The following SNRPB2 variants were observed in gnomAD, a reference collection of about 807,000 sequenced individuals.
SNRPB2 encodes the protein small nuclear ribonucleoprotein polypeptide B2.
SNRPB2 carries 16 observed loss-of-function variants against 26.3 expected under a neutral mutation model. That is an observed-to-expected ratio of 0.61 (90% CI 0.41 to 0.92). The LOEUF is 0.92. Among genes scored for constraint, SNRPB2 ranks in the 40% least tolerant of loss-of-function variants. The pLI is 0.00. For synonymous variants in SNRPB2, 75 were observed against 89.0 expected, an observed-to-expected ratio of 0.84 and a Z score of 0.88; for missense variants, 179 against 268.1, an observed-to-expected ratio of 0.67 and a Z score of 2.32.
chr20:16,733,418 G>A (rs1041546195), intron 3 of SNRPB2, among the ~76,000 whole-genome samples: 2 of 152,208 alleles, frequency 1.3e-5, no homozygotes, highest in Admixed American at 6.5e-5. Context: ...GGTACAGACC[G>A]CTGATCTAAC....
intron 3 of SNRPB2, among the ~76,000 whole-genome samples, chr20:16,732,796 G>C (rs960685773): frequency 6.6e-6 from 1 of 152,166 alleles, no homozygotes; most frequent in Non-Finnish European, 1.5e-5. Flanking sequence ...TAAACTCATA[G>C]GTTTTAGGAA....
intron 4 of SNRPB2, 53 bp downstream of exon 4, chr20:16,737,454 A>G: frequency 6.7e-7 from 1 of 1,482,584 alleles, no homozygotes; most frequent in African/African-American, 1.4e-5. Flanking sequence ...AACTTGATAG[A>G]TGCTTGTCTT....
intron 3 of SNRPB2, among the ~76,000 whole-genome samples, chr20:16,734,109 GT>G (rs2122500174): frequency 6.6e-6 from 1 of 152,278 alleles, no homozygotes; most frequent in South Asian, 2.1e-4. Flanking sequence ...GCATGTGTCT[GT>G]TACTCAGATA....
At chr20:16,732,944 C>G (rs535412798) in intron 3 of SNRPB2, among the ~76,000 whole-genome samples, 2 of 152,098 alleles carry the variant, frequency 1.3e-5, no homozygotes, top group Admixed American at 1.3e-4. Flanking sequence ...TTAGGAGGCC[C>G]TTGATGTAAG....
At chr20:16,734,992 G>A (rs1408806260) in intron 3 of SNRPB2, among the ~76,000 whole-genome samples, 1 of 152,170 alleles carries the variant, frequency 6.6e-6, no homozygotes, top group Admixed American at 6.5e-5. Flanking sequence ...GTTAGATGAT[G>A]ATGGCAAGAC....
At chr20:16,740,578 A>G (rs1367003119) in intron 6 of SNRPB2, among the ~76,000 whole-genome samples, 165 bp downstream of exon 6, 1 of 152,228 alleles carries the variant, frequency 6.6e-6, no homozygotes, top group Non-Finnish European at 1.5e-5. Context: ...TTTAGCAAAT[A>G]CAAAGCTAAA....
At position 16,730,408 on chromosome 20, in the gene SNRPB2, C is replaced by T. The variant is rs112315990; in HGVS notation, c.-36+244C>T. 9.3e-3 allele frequency: 1,417 copies of T among 152,400 alleles called. 30 individuals carry two copies. The highest frequency in any genetic ancestry group is 0.032 in the African/African-American group (1,323 of 41,556). 9.4% of individuals were successfully genotyped at this position (152,400 alleles called of 1,614,324 possible). ...CTTTCAGGTGTCTTCCAGCGGCTCCCTTTTGGTGGTGGCGGGTAATTCAGG... is the reference window on the plus strand; with the variant it reads ...CTTTCAGGTGTCTTCCAGCGGCTCCTTTTTGGTGGTGGCGGGTAATTCAGG... On this transcript the variant is annotated intron_variant, in intron 1 of 6. Transcript: ENST00000246071.
chr20:16,735,637 G>A (rs2072421481), intron 3 of SNRPB2, among the ~76,000 whole-genome samples: 1 of 152,092 alleles, frequency 6.6e-6, no homozygotes, highest in Non-Finnish European at 1.5e-5. Flanking sequence ...TACTTTCCAG[G>A]CATTTGGAAT....
At position 16,731,750 on chromosome 20, in the gene SNRPB2, C is replaced by G. The variant is rs2072392861; in HGVS notation, c.48C>G (p.Asp16Glu). ...CAATTTATATCAACAATATGAATGA[C>G]AAAATTAAAAAGGAAGGTAAGTGCT... ...NHTIYINNMN[D>E]KIKKEELKRS... Residue 16 changes from aspartate to glutamate, a missense_variant, in exon 2 of 7, where the codon GAC (aspartate) becomes GAG (glutamate). This residue lies in a region of SNRPB2 where 145 missense variants were observed against 180.7 expected (regional missense o/e 0.80). Transcript: ENST00000246071. 6.2e-7 allele frequency: 1 copy of G among 1,612,106 alleles called. No individual in the cohort carries two copies. Among genetic ancestry groups the G allele is most frequent in the Non-Finnish European group, 8.5e-7 (1 of 1,178,826 alleles).
Position 16,741,790 on chromosome 20 carries a change from TTG to T in SNRPB2, c.*787_*788del, listed in dbSNP as rs2072464548. 6.6e-6 allele frequency: 1 copy of T among 152,230 alleles called. No homozygotes were observed. The highest frequency in any genetic ancestry group is 1.5e-5 in the Non-Finnish European group (1 of 68,040). The allele number at this position is 152,230 out of a possible 1,614,324, so 9.4% of individuals were successfully genotyped here. On this transcript the variant is annotated 3_prime_UTR_variant, in exon 7 of 7. Transcript: ENST00000246071. ...TGCCAGTGCTAAGCTTGCTACTTCT[TTG>T]TAATTCTTAAACACCAATGTTCAAA...
chr20:16,735,525 C>T (rs1286680685), intron 3 of SNRPB2, among the ~76,000 whole-genome samples: 1 of 152,208 alleles, frequency 6.6e-6, no homozygotes, highest in African/African-American at 2.4e-5. Flanking sequence ...CAGGGCTACT[C>T]AAAATGTGGT....
rs748699658 is a variant in SNRPB2, at chr20:16,740,423, T to C, written c.518+10T>C. 1.2e-6 allele frequency: 2 copies of C among 1,610,306 alleles called. No individual in the cohort carries two copies. The highest frequency in any genetic ancestry group is 2.2e-5 in the South Asian group (2 of 90,848). ...CCATGCTGTTTAATCAGTAAGTTTT[T>C]TCATAAATAAGTCTGTTTCTGAGAG... is the stretch of plus-strand genomic sequence containing the variant. On this transcript the variant is annotated intron_variant, in intron 6 of 6. Coordinates refer to ENST00000246071, the MANE Select transcript of SNRPB2 (RefSeq NM_003092.5).
intron 5 of SNRPB2, among the ~76,000 whole-genome samples, chr20:16,739,981 T>C (rs1417722583): frequency 1.3e-5 from 2 of 151,242 alleles, no homozygotes; most frequent in Non-Finnish European, 2.9e-5. Context: ...ATACTGAGTG[T>C]GGTAACCAGC....
At chr20:16,732,081 G>A (rs1427851884) in intron 2 of SNRPB2, 83 bp from the exon 3 acceptor site, 3 of 789,440 alleles carry the variant, frequency 3.8e-6, no homozygotes, top group South Asian at 1.7e-5. Flanking sequence ...TGGTGGGGGG[G>A]GCAACTCAAT....
At position 16,740,940 on chromosome 20, in the gene SNRPB2, G is replaced by C; in HGVS notation, c.613G>C (p.Asp205His). Residue 205 changes from aspartate to histidine, a missense_variant, in exon 7 of 7, where the codon GAT (aspartate) becomes CAT (histidine). Transcript: ENST00000246071. ...TGATGGGCAGGCTGGAGCTGCCAGG[G>C]ATGCTTTACAGGGATTTAAGATCAC... is the stretch of plus-strand genomic sequence containing the variant. ...ENDGQAGAAR[D>H]ALQGFKITPS... 1.2e-6 allele frequency: 2 copies of C among 1,612,154 alleles called. No individual in the cohort carries two copies. The highest frequency in any genetic ancestry group is 1.7e-6 in the Non-Finnish European group (2 of 1,178,266).
chr20:16,730,415 T>G (rs1050563964), intron 1 of SNRPB2: 1 of 152,274 alleles, frequency 6.6e-6, no homozygotes, highest in African/African-American at 2.4e-5. Flanking sequence ...TCCCTTTTGG[T>G]GGTGGCGGGT....
At chr20:16,735,418 T>C (rs1331010010) in intron 3 of SNRPB2, among the ~76,000 whole-genome samples, 1 of 151,282 alleles carries the variant, frequency 6.6e-6, no homozygotes, top group Non-Finnish European at 1.5e-5. Context: ...AGGTTGGAGA[T>C]TGCAGATAGT....
rs1194276171 is a variant in SNRPB2, at chr20:16,740,921, G to A, written c.594G>A (p.Gly198=). The part of the protein sequence containing the change: ...DIAFVEFEND[G]QAGAARDALQ... ...CTTTTGTTGAATTTGAAAATGATGG[G>A]CAGGCTGGAGCTGCCAGGGATGCTT... The change falls in exon 7 of 7, where the codon GGG becomes GGA. Residue 198 remains glycine (G), a synonymous_variant. Transcript: ENST00000246071. The A allele has an allele frequency of 3.7e-6, 6 of 1,611,222 alleles. No homozygotes were observed. Among genetic ancestry groups the A allele is most frequent in the Admixed American group, 1.7e-5 (1 of 60,000 alleles).
intron 3 of SNRPB2, 113 bp downstream of exon 3, chr20:16,732,449 G>A (rs978378392): frequency 3.2e-6 from 2 of 631,564 alleles, no homozygotes; most frequent in Admixed American, 3.0e-5. Flanking sequence ...TTAATTATGT[G>A]TGTTTGGGTT....
Sources: allele counts gnomAD v4.1 joint callset (sites outside exome capture counted in the v4.1 genomes callset), GRCh38; gene constraint gnomAD v4.1.1; regional missense constraint gnomAD v4.1.1; transcripts MANE v1.5; gene names NCBI Gene and HGNC (gene_info 2026-07-23, HGNC 2026-07-21).